The following RASGRF2 variants were observed in gnomAD, a reference collection of about 807,000 sequenced individuals.
RASGRF2 encodes ras-specific guanine nucleotide-releasing factor 2.
In RASGRF2, 76 loss-of-function variants were observed where a neutral mutation model predicts 151.0. The observed-to-expected ratio is 0.50, with a 90% CI of 0.42 to 0.61. The LOEUF (loss-of-function observed/expected upper bound fraction) is 0.61, where lower values mean the gene tolerates loss of function less well. Ranked by LOEUF, RASGRF2 falls within the 20% of genes least tolerant of loss-of-function variation. RASGRF2 has a pLI of 0.00. For synonymous variants in RASGRF2, 504 were observed against 566.5 expected, an observed-to-expected ratio of 0.89 and a Z score of 1.57; for missense variants, 1,148 against 1,564.6, an observed-to-expected ratio of 0.73 and a Z score of 4.49.
intron 2 of RASGRF2, among the ~76,000 whole-genome samples, chr5:81,056,212 G>T (rs971157738): frequency 2.0e-5 from 3 of 152,092 alleles, no homozygotes; most frequent in Non-Finnish European, 2.9e-5. Context: ...TCTTTTAATT[G>T]TGATGTTAGG....
At chr5:81,094,405 G>T (rs1406117246) in intron 11 of RASGRF2, 43 bp downstream of exon 11, 13 of 1,561,266 alleles carry the variant, frequency 8.3e-6, no homozygotes, top group Non-Finnish European at 9.6e-6. Flanking sequence ...AGAATTAGAG[G>T]CGGGAGAGAG....
chr5:81,047,083 A>G (rs1336403308), intron 2 of RASGRF2, among the ~76,000 whole-genome samples: 1 of 152,194 alleles, frequency 6.6e-6, no homozygotes, highest in Non-Finnish European at 1.5e-5. Context: ...TCAGGCCCCT[A>G]GCTTGGACGG....
intron 12 of RASGRF2, among the ~76,000 whole-genome samples, chr5:81,104,467 A>T (rs1752789604): frequency 6.6e-6 from 1 of 152,016 alleles, no homozygotes; most frequent in African/African-American, 2.4e-5. Context: ...ATAGTAATAA[A>T]ATTCTTTACT....
intron 5 of RASGRF2, among the ~76,000 whole-genome samples, chr5:81,077,552 G>A (rs1195095274): frequency 1.3e-5 from 2 of 152,190 alleles, no homozygotes; most frequent in Non-Finnish European, 2.9e-5. Context: ...GCTTTCTTTT[G>A]TTAAAAGGAA....
intron 24 of RASGRF2, among the ~76,000 whole-genome samples, chr5:81,216,505 A>T (rs976916572): frequency 6.6e-6 from 1 of 152,100 alleles, no homozygotes; most frequent in Admixed American, 6.6e-5. Context: ...TGAAAGCAAG[A>T]CTAAGACTAA....
intron 13 of RASGRF2, among the ~76,000 whole-genome samples, chr5:81,111,464 A>G (rs1343652560): frequency 6.6e-6 from 1 of 152,216 alleles, no homozygotes; most frequent in East Asian, 1.9e-4. Flanking sequence ...ATTCAGGGGA[A>G]TATCTTACAC....
chr5:81,138,197 A>G (rs1753800927), intron 17 of RASGRF2, among the ~76,000 whole-genome samples: 1 of 152,108 alleles, frequency 6.6e-6, no homozygotes, highest in South Asian at 2.1e-4. Context: ...TATATCTTCC[A>G]ATGAAACCTT....
intron 1 of RASGRF2, among the ~76,000 whole-genome samples, chr5:80,996,505 C>CTTCCTCCTCTTCTTCT (rs56082157): frequency 2.1e-5 from 1 of 47,764 alleles, no homozygotes; most frequent in Non-Finnish European, 3.8e-5. Context: ...CTTCTTCTTC[C>CTTCCTCCTCTTCTTCT]TCCTCCTCCT....
rs372160173 is a variant in RASGRF2, at chr5:81,042,857, G to A, written c.289-20G>A. 5 of 1,549,028 alleles carry A rather than the reference G, an allele frequency of 3.2e-6. No homozygotes were observed. The African/African-American group carries it at 5.4e-5, about 17-fold the overall frequency. ...CTTGAAAAATAGAACTAAGTTTTTT[G>A]TGTTTCTTTTTCTTTCCAGTATTAC... On this transcript the variant is annotated intron_variant, in intron 1 of 26. Transcript: ENST00000265080.
chr5:81,087,480 T>G (rs1752272399), intron 9 of RASGRF2: 1 of 616,422 alleles, frequency 1.6e-6, no homozygotes, highest in Non-Finnish European at 2.9e-6. Context: ...TGATGGACAC[T>G]TGCCACGCTT....
At chr5:81,071,009 T>A (rs1373440890) in intron 4 of RASGRF2, among the ~76,000 whole-genome samples, 2 of 152,196 alleles carry the variant, frequency 1.3e-5, no homozygotes, top group Non-Finnish European at 2.9e-5. Flanking sequence ...TATTTCTGTT[T>A]TATTATTGCT....
chr5:80,996,321 CTG>C (rs199563210), intron 1 of RASGRF2, among the ~76,000 whole-genome samples: 28 of 134,374 alleles, frequency 2.1e-4, no homozygotes, highest in Admixed American at 3.1e-4. Context: ...CTCTCTCTCT[CTG>C]TGTGTGTGAT....
chr5:81,167,506 C>T (rs933847171), intron 17 of RASGRF2, among the ~76,000 whole-genome samples: 2 of 152,174 alleles, frequency 1.3e-5, no homozygotes, highest in African/African-American at 2.4e-5. Context: ...GGTTAGAATC[C>T]GTCTGAAATT....
intron 17 of RASGRF2, among the ~76,000 whole-genome samples, chr5:81,147,321 A>G (rs1182833157): frequency 2.0e-5 from 3 of 152,160 alleles, no homozygotes; most frequent in African/African-American, 7.2e-5. Flanking sequence ...TCTACAAGTT[A>G]TACTTTATGG....
intron 22 of RASGRF2, among the ~76,000 whole-genome samples, chr5:81,209,353 G>A (rs1268693852): frequency 6.6e-6 from 1 of 152,104 alleles, no homozygotes; most frequent in African/African-American, 2.4e-5. Flanking sequence ...TAACAGGTGT[G>A]GGAGTGTCTT....
chr5:81,003,077 G>C (rs371554724), intron 1 of RASGRF2, among the ~76,000 whole-genome samples: 3 of 148,146 alleles, frequency 2.0e-5, no homozygotes, highest in African/African-American at 7.5e-5. Flanking sequence ...TTGAGAGAGA[G>C]AGAAAGTCTC....
chr5:81,221,855 T>C (rs950322115), intron 26 of RASGRF2, among the ~76,000 whole-genome samples: 3 of 152,146 alleles, frequency 2.0e-5, no homozygotes, highest in African/African-American at 4.8e-5. Flanking sequence ...CGGGCAGCTG[T>C]AATCCCAGCT....
chr5:81,179,129 G>A (rs1447941962), intron 17 of RASGRF2, among the ~76,000 whole-genome samples: 1 of 152,214 alleles, frequency 6.6e-6, no homozygotes, highest in Admixed American at 6.5e-5. Flanking sequence ...TTGGAAGGCA[G>A]AATCTTTTAA....
chr5:80,964,477 T>C (rs948102285), intron 1 of RASGRF2, among the ~76,000 whole-genome samples: 2 of 152,152 alleles, frequency 1.3e-5, no homozygotes, highest in African/African-American at 4.8e-5. Flanking sequence ...CTTTTGGAGA[T>C]GATGAGTATT....
Sources: allele counts gnomAD v4.1 joint callset (sites outside exome capture counted in the v4.1 genomes callset), GRCh38; gene constraint gnomAD v4.1.1; transcripts MANE v1.5; gene names NCBI Gene and HGNC (gene_info 2026-07-23, HGNC 2026-07-21).